Variants in ZNF587 observed in about 807,000 individuals in gnomAD.
ZNF587 encodes zinc finger protein 587.
ZNF587 carries 8 observed loss-of-function variants against 7.5 expected under a neutral mutation model. The observed-to-expected ratio is 1.06, with a 90% CI of 0.62 to 1.92. The LOEUF is 1.92. Among genes scored for constraint, ZNF587 ranks in the 40% most tolerant of loss-of-function variants. The pLI, the probability that ZNF587 is intolerant of heterozygous loss-of-function variation, is 0.00. For synonymous variants in ZNF587, 145 were observed against 237.8 expected (o/e 0.61, Z 3.59); for missense variants, 468 against 692.8 (o/e 0.68, Z 3.64).
At chr19:57,855,901 G>T in intron 1 of ZNF587, 1 of 873,030 alleles carries the variant, frequency 1.1e-6, no homozygotes, top group East Asian at 2.8e-5. Flanking sequence ...CCTCAGCATG[G>T]ATACCTATTT....
chr19:57,865,077 G>T lies in ZNF587; in HGVS notation c.*4937G>T, dbSNP rs1281876201. The T allele has an allele frequency of 6.6e-6, 1 of 152,148 alleles. No individual in the cohort carries two copies. The highest frequency in any genetic ancestry group is 6.6e-5 in the Admixed American group (1 of 15,256). The allele number at this position is 152,148 out of a possible 1,614,324, so 9.4% of individuals were successfully genotyped here. Reference sequence around the variant, plus strand: ...TCTTATGAAGTTAATCTTCCTGCTTGTATGTGAATTAAATATATGTCAAAC... The same window carrying T: ...TCTTATGAAGTTAATCTTCCTGCTTTTATGTGAATTAAATATATGTCAAAC... On this transcript the variant is annotated 3_prime_UTR_variant, in exon 3 of 3. Coordinates refer to ENST00000339656, the MANE Select transcript of ZNF587 (RefSeq NM_032828.4).
At chr19:57,850,594 T>A (rs960104264) in intron 1 of ZNF587, 7 of 402,082 alleles carry the variant, frequency 1.7e-5, no homozygotes, top group Non-Finnish European at 3.1e-5. Flanking sequence ...ATCTTAGATA[T>A]TGGGGAAACC....
chr19:57,857,351 C>G (rs548267958), intron 2 of ZNF587: 1 of 152,224 alleles, frequency 6.6e-6, no homozygotes, highest in Admixed American at 6.5e-5. Flanking sequence ...TTGAGAGTTT[C>G]ACATGTGTTA....
rs867100881 is a variant in ZNF587 at position 57,855,587 on chromosome 19, T to A, written c.34-517T>A. On this transcript the variant is annotated intron_variant, in intron 1 of 2. Transcript: ENST00000339656. ...TTTGTTTTTTTTTTTTTTGAGATGG[T>A]GTCTCGCTCTGTTGGCCAGGGTGGA... Among the ~76,000 whole-genome samples the A allele has an allele frequency of 7.0e-5, 10 of 141,848 alleles. No homozygotes were observed. The South Asian group carries it at 2.0e-3, about 28-fold the overall frequency. 93.1% of individuals were successfully genotyped at this position (141,848 alleles called of 152,430 possible).
chr19:57,850,362 G>A, intron 1 of ZNF587: 1 of 599,350 alleles, frequency 1.7e-6, no homozygotes, highest in Non-Finnish European at 2.9e-6. Flanking sequence ...GTCTCCCTGA[G>A]CATTCTGGGA....
Position 57,859,996 on chromosome 19 carries a change from C to T in ZNF587, c.1584C>T (p.Ser528=), listed in dbSNP as rs1251346888. ...KPYKCSECGK[S]FSECSSLIKH... ...ATAAGTGCAGTGAATGTGGAAAATC[C>T]TTTTCTGAATGTTCCAGTCTCATTA... is the stretch of plus-strand genomic sequence containing the variant. Residue 528 remains serine (S), a synonymous_variant, in exon 3 of 3, where the codon TCC becomes TCT. Transcript: ENST00000339656. 2 of 1,613,592 alleles carry T rather than the reference C, an allele frequency of 1.2e-6. No individual in the cohort carries two copies. Among genetic ancestry groups the T allele is most frequent in the Non-Finnish European group, 8.5e-7 (1 of 1,179,902 alleles).
rs1051894006 is a variant in ZNF587, at chr19:57,862,197, A to G, written c.*2057A>G. The stretch of plus-strand genomic sequence containing the variant: ...GCAGTGAAACAGTTAAGATGCCACC[A>G]TAGCTTTCTTTTCAACATCTTTCTA... On this transcript the variant is annotated 3_prime_UTR_variant, in exon 3 of 3. Transcript: ENST00000339656. The G allele has an allele frequency of 1.3e-5, 2 of 152,222 alleles. No individual in the cohort carries two copies. The highest frequency in any genetic ancestry group is 2.4e-5 in the African/African-American group (1 of 41,462). 9.4% of individuals were successfully genotyped at this position (152,222 alleles called of 1,614,324 possible).
In ZNF587 at chr19:57,849,915, C is replaced by G; in HGVS notation, c.-124C>G. On this transcript the variant is annotated 5_prime_UTR_variant, in exon 1 of 3. Transcript: ENST00000339656. ...TTCCCCAGTTTGTGGCCCCTGAGTG[C>G]TGGGTGGGACCGCGGTGACTGAACC... 1.3e-6 allele frequency: 2 copies of G among 1,583,168 alleles called. No individual in the cohort carries two copies. The highest frequency in any genetic ancestry group is 2.3e-5 in the South Asian group (2 of 87,330).
At chr19:57,855,787 C>T (rs1252537731) in intron 1 of ZNF587, among the ~76,000 whole-genome samples, 1 of 152,210 alleles carries the variant, frequency 6.6e-6, no homozygotes, top group South Asian at 2.1e-4. Flanking sequence ...AGTCTCTATC[C>T]CCTGACTGCA....
rs1418028045 is a variant in ZNF587 at position 57,856,206 on chromosome 19, G to A, written c.136G>A (p.Glu46Lys). Reference sequence around the variant, plus strand: ...GTGCTTGTACCGTGATGTGATGCTAGAGAACCTGGCTCTCATATCCTCGCT... The same window carrying A: ...GTGCTTGTACCGTGATGTGATGCTAAAGAACCTGGCTCTCATATCCTCGCT... ...QRCLYRDVML[E>K]NLALISSLGC... Residue 46 changes from glutamate to lysine, a missense_variant, in exon 2 of 3, where the codon GAG becomes AAG. Physicochemically the swap from Glu to Lys is moderately conservative, Grantham distance 56. This residue lies in a region of ZNF587 where 92 missense variants were observed against 89.7 expected (regional missense o/e 1.03). Coordinates refer to ENST00000339656, the MANE Select transcript of ZNF587 (RefSeq NM_032828.4). 3.8e-6 allele frequency: 6 copies of A among 1,599,170 alleles called. No individual in the cohort carries two copies. Among genetic ancestry groups the A allele is most frequent in the Non-Finnish European group, 4.3e-6 (5 of 1,170,134 alleles).
intron 1 of ZNF587, among the ~76,000 whole-genome samples, chr19:57,854,972 C>A (rs1458948939): frequency 6.6e-6 from 1 of 151,150 alleles, no homozygotes; most frequent in African/African-American, 2.4e-5. Context: ...GTATGGAGAT[C>A]GAGACCATCC....
chr19:57,861,606 G>A lies in ZNF587; in HGVS notation c.*1466G>A, dbSNP rs1361214094. 3 of 152,058 alleles carry A rather than the reference G, an allele frequency of 2.0e-5. No individual in the cohort carries two copies. The highest frequency in any genetic ancestry group is 2.9e-5 in the Non-Finnish European group (2 of 68,008). The allele number at this position is 152,058 out of a possible 1,614,324, so 9.4% of individuals were successfully genotyped here. A position where few individuals can be genotyped will look rare whatever the true frequency, so the allele number is the denominator to read the frequency against. The stretch of plus-strand genomic sequence containing the variant: ...GGCTCCAAAAGTGCTTGGTCTACAG[G>A]GGTGAGGCACCCTGCCTGGCCTCAC... On this transcript the variant is annotated 3_prime_UTR_variant, in exon 3 of 3. Transcript: ENST00000339656.
chr19:57,850,192 G>T (rs948531453), intron 1 of ZNF587, 121 bp downstream of exon 1: 29 of 1,570,542 alleles, frequency 1.8e-5, no homozygotes, highest in Non-Finnish European at 2.4e-5. Flanking sequence ...ACACTGAGGC[G>T]CTCACAGGAG....
chr19:57,850,712 G>T lies in ZNF587; in HGVS notation c.33+641G>T, dbSNP rs141017663. 4.9e-4 allele frequency: 196 copies of T among 396,776 alleles called. 2 individuals carry two copies. In the East Asian group the frequency reaches 6.7e-3, roughly 14 times the overall value. 24.6% of individuals were successfully genotyped at this position (396,776 alleles called of 1,614,324 possible). ...GGTCCAGGTGGCCAGAGCATTGGAG[G>T]CTTCCTGGCGGCCCAGAGCTCTTGG... is the stretch of plus-strand genomic sequence containing the variant. On this transcript the variant is annotated intron_variant, in intron 1 of 2. Coordinates refer to ENST00000339656, the MANE Select transcript of ZNF587 (RefSeq NM_032828.4).
Position 57,856,283 on chromosome 19 carries a change from CCT to C in ZNF587, c.163+51_163+52del, listed in dbSNP as rs779777500. 5.8e-4 allele frequency: 887 copies of C among 1,530,966 alleles called. 1 individual carries two copies. Among genetic ancestry groups the C allele is most frequent in the East Asian group, 1.0e-3 (45 of 43,476 alleles). The allele number at this position is 1,530,966 out of a possible 1,614,324, so 94.8% of individuals were successfully genotyped here. ...TGACCTGAGCTAGTGTTACTGTTCCCCTGTTTTTCATTGACAGGACTGTCTTT... is the reference window on the plus strand; with the variant it reads ...TGACCTGAGCTAGTGTTACTGTTCCCGTTTTTCATTGACAGGACTGTCTTT... On this transcript the variant is annotated intron_variant, in intron 2 of 2. Transcript: ENST00000339656.
Position 57,859,856 on chromosome 19 carries a change from C to CATCA in ZNF587, c.1445_1448dup (p.Arg484SerfsTer11), listed in dbSNP as rs1478911908. The CATCA allele has an allele frequency of 6.2e-7, 1 of 1,613,788 alleles. No individual in the cohort carries two copies. The highest frequency in any genetic ancestry group is 1.3e-5 in the African/African-American group (1 of 74,924). On this transcript the variant is annotated frameshift_variant, in exon 3 of 3. Coordinates refer to ENST00000339656, the MANE Select transcript of ZNF587 (RefSeq NM_032828.4). LOFTEE classifies it low-confidence loss of function (END_TRUNC). ...TGGCAATAAGCACAGCGTGACTATA[C>CATCA]ATCAGAGGATTCACACTGGAGAAAG... is the stretch of plus-strand genomic sequence containing the variant.
chr19:57,858,359 T>A (rs1217588246), intron 2 of ZNF587: 1 of 852,000 alleles, frequency 1.2e-6, no homozygotes, highest in Non-Finnish European at 1.7e-6. Context: ...ACTTCTGACC[T>A]CAGGTGATCC....
rs567712887 is a variant in ZNF587, at chr19:57,860,456, A to G, written c.*316A>G. ...GCTAATTTTTGTGTTTTTAGTGGAG[A>G]TGGGGTTTTACCATGTTGGCCAGGC... On this transcript the variant is annotated 3_prime_UTR_variant, in exon 3 of 3. Coordinates refer to ENST00000339656, the MANE Select transcript of ZNF587 (RefSeq NM_032828.4). The G allele has an allele frequency of 8.6e-5, 34 of 393,770 alleles. No individual in the cohort carries two copies. Among genetic ancestry groups the G allele is most frequent in the African/African-American group, 6.7e-4 (33 of 49,158 alleles). The allele number at this position is 393,770 out of a possible 1,614,324, so 24.4% of individuals were successfully genotyped here.
Position 57,860,387 on chromosome 19 carries a change from G to A in ZNF587, c.*247G>A, listed in dbSNP as rs1221047056. 4.9e-6 allele frequency: 3 copies of A among 616,632 alleles called. No individual in the cohort carries two copies. Among genetic ancestry groups the A allele is most frequent in the Non-Finnish European group, 5.6e-6 (2 of 360,174 alleles). 38.2% of individuals were successfully genotyped at this position (616,632 alleles called of 1,614,324 possible). A position where few individuals can be genotyped will look rare whatever the true frequency, so the allele number is the denominator to read the frequency against. On this transcript the variant is annotated 3_prime_UTR_variant, in exon 3 of 3. Transcript: ENST00000339656. ...GGGTTCATGCAATCCTCCTACCTCA[G>A]CCTCCTGAGTAGCTGGGATTATGAG...
Sources: gnomAD v4.1 joint callset for allele counts (sites outside exome capture counted in the v4.1 genomes callset) on GRCh38, gnomAD v4.1.1 for gene constraint, gnomAD v4.1.1 regional missense constraint, MANE v1.5 for transcripts, NCBI Gene and HGNC (gene_info 2026-07-23, HGNC 2026-07-21) for gene names.